ZNF48: variants seen among roughly 807,000 people sequenced by gnomAD.
ZNF48 encodes zinc finger protein 48.
ZNF48 carries 20 observed loss-of-function variants against 40.0 expected under a neutral mutation model. The ratio of observed to expected loss-of-function variants is 0.50; its 90% CI spans 0.35 to 0.73. The LOEUF (loss-of-function observed/expected upper bound fraction) is 0.73, where lower values mean the gene tolerates loss of function less well. ZNF48 is among the 30% of genes least tolerant of loss of function. The pLI is 0.01. For missense variants in ZNF48, 726 were observed against 851.9 expected (o/e 0.85, Z 1.84); for synonymous variants, 298 against 329.7 (o/e 0.90, Z 1.04).
chr16:30,399,118 G>A lies in ZNF48; in HGVS notation c.*11G>A. 4 of 1,554,022 alleles carry A rather than the reference G, an allele frequency of 2.6e-6. No homozygotes were observed. The highest frequency in any genetic ancestry group is 3.5e-6 in the Non-Finnish European group (4 of 1,150,040). ...ACAGGACTGGAATGACGCGGTCCAGGGAGGGCGGAGGCCCAGGAGACCAAA... is the reference window on the plus strand; with the variant it reads ...ACAGGACTGGAATGACGCGGTCCAGAGAGGGCGGAGGCCCAGGAGACCAAA... On this transcript the variant is annotated 3_prime_UTR_variant, in exon 3 of 3. Coordinates refer to ENST00000613509, the MANE Select transcript of ZNF48 (RefSeq NM_001214909.2).
At chr16:30,378,705 G>C in intron 1 of ZNF48, 2 of 1,605,816 alleles carry the variant, frequency 1.2e-6, no homozygotes, top group Middle Eastern at 1.7e-4. Context: ...AGCTTACTGC[G>C]GGACAGTGGG....
At chr16:30,383,769 C>T (rs543228582) in intron 1 of ZNF48, among the ~76,000 whole-genome samples, 1 of 152,360 alleles carries the variant, frequency 6.6e-6, no homozygotes, top group East Asian at 1.9e-4. Flanking sequence ...ATCTCTCACT[C>T]TTCCAAACGT....
At position 30,399,382 on chromosome 16, in the gene ZNF48, C is replaced by T. The variant is rs542984665; in HGVS notation, c.*275C>T. The stretch of plus-strand genomic sequence containing the variant: ...ATTCAATACTTGTTGAATAAATAAA[C>T]TGGCTTTCACCTAAGGACTCAACCC... On this transcript the variant is annotated 3_prime_UTR_variant, in exon 3 of 3. Coordinates refer to ENST00000613509, the MANE Select transcript of ZNF48 (RefSeq NM_001214909.2). 1.2e-5 allele frequency: 4 copies of T among 347,762 alleles called. No homozygotes were observed. In the South Asian group the frequency reaches 3.0e-4, roughly 26 times the overall value. The allele number at this position is 347,762 out of a possible 1,614,324, so 21.5% of individuals were successfully genotyped here. A position where few individuals can be genotyped will look rare whatever the true frequency, so the allele number is the denominator to read the frequency against.
rs781693106 is a variant in ZNF48, at chr16:30,398,347, G to A, written c.1097G>A (p.Arg366His). The A allele has an allele frequency of 3.0e-5, 49 of 1,612,902 alleles. No individual in the cohort carries two copies. The highest frequency in any genetic ancestry group is 1.2e-4 in the South Asian group (11 of 91,034). ...ERPHACPECD[R>H]TFSLSSTLLR... Reference sequence around the variant, plus strand: ...CCCCATGCCTGCCCGGAATGCGACCGTACCTTCAGCCTCAGCTCCACCCTT... The same window carrying A: ...CCCCATGCCTGCCCGGAATGCGACCATACCTTCAGCCTCAGCTCCACCCTT... The change falls in exon 3 of 3, where the codon CGT becomes CAT. Residue 366 changes from arginine to histidine, a missense_variant. Coordinates refer to ENST00000613509, the MANE Select transcript of ZNF48 (RefSeq NM_001214909.2). The surrounding 1 kb of genome is among the most constrained non-coding windows in gnomAD (Gnocchi z 6.6).
rs759274851 is a variant in ZNF48 at position 30,398,738 on chromosome 16, G to GC, written c.1489dup (p.His497ProfsTer8). On this transcript the variant is annotated frameshift_variant, in exon 3 of 3. Coordinates refer to ENST00000613509, the MANE Select transcript of ZNF48 (RefSeq NM_001214909.2). LOFTEE classifies it high-confidence loss of function. The surrounding 1 kb of genome is among the most constrained non-coding windows in gnomAD (Gnocchi z 6.6). ...TTGCTGACAGCTCAGCCCGAGTCAA[G>GC]CACCTCCGCACCCACCGTGGTGAAC... 1 of 1,612,502 alleles carries GC rather than the reference G, an allele frequency of 6.2e-7. No individual in the cohort carries two copies. Among genetic ancestry groups the GC allele is most frequent in the Non-Finnish European group, 8.5e-7 (1 of 1,179,548 alleles).
chr16:30,379,377 T>G, intron 1 of ZNF48: 1 of 1,512,024 alleles, frequency 6.6e-7, no homozygotes, highest in Non-Finnish European at 9.2e-7. Context: ...TGAGTGCGCC[T>G]GACCCAGAGG....
At chr16:30,396,481 C>A (rs2049985399) in intron 2 of ZNF48, among the ~76,000 whole-genome samples, 1 of 152,098 alleles carries the variant, frequency 6.6e-6, no homozygotes, top group Admixed American at 6.6e-5. Context: ...TCTCTCCTAC[C>A]ACCCTAAGCT....
Position 30,397,228 on chromosome 16 carries a change from C to T in ZNF48, c.80-102C>T. 2 of 1,088,582 alleles carry T rather than the reference C, an allele frequency of 1.8e-6. No individual in the cohort carries two copies. Among genetic ancestry groups the T allele is most frequent in the South Asian group, 1.6e-5 (1 of 63,514 alleles). The allele number at this position is 1,088,582 out of a possible 1,614,324, so 67.4% of individuals were successfully genotyped here. ...TGAGAGGACAGAGAGATTGGGGTTC[C>T]TGTGACCACAGATTGTCAAGGGAGT... On this transcript the variant is annotated intron_variant, in intron 2 of 2. Coordinates refer to ENST00000613509, the MANE Select transcript of ZNF48 (RefSeq NM_001214909.2). This position sits in a 1 kb window ranked among gnomAD's most constrained non-coding sequence, Gnocchi z 4.1.
rs1172050003 is a variant in ZNF48 at position 30,381,478 on chromosome 16, G to A, written c.-16+3068G>A. On this transcript the variant is annotated intron_variant, in intron 1 of 2. Transcript: ENST00000528032. The surrounding 1 kb of genome is among the most constrained non-coding windows in gnomAD (Gnocchi z 4.3). ...AATTTCACCACCGGAAGCCAGCTGGGTGTGGGGAGAGGATGTGAGGTCAGA... is the reference window on the plus strand; with the variant it reads ...AATTTCACCACCGGAAGCCAGCTGGATGTGGGGAGAGGATGTGAGGTCAGA... 1.9e-6 allele frequency: 3 copies of A among 1,613,946 alleles called. No individual in the cohort carries two copies. Among genetic ancestry groups the A allele is most frequent in the African/African-American group, 2.7e-5 (2 of 74,918 alleles).
chr16:30,398,646 C>T lies in ZNF48; in HGVS notation c.1396C>T (p.Leu466=). The change falls in exon 3 of 3, where the codon CTG becomes TTG. Residue 466 remains leucine, a synonymous_variant. Transcript: ENST00000613509. The surrounding 1 kb of genome is among the most constrained non-coding windows in gnomAD (Gnocchi z 6.6). ...CGKGFRRSSD[L]VKHHRVHTGE... ...CAAGGGCTTCCGCCGAAGCTCTGAC[C>T]TGGTGAAACACCATCGTGTGCACAC... The T allele has an allele frequency of 6.2e-7, 1 of 1,613,684 alleles. No individual in the cohort carries two copies.
rs1220137564 is a variant in ZNF48, at chr16:30,399,669, G to T, written c.*562G>T. The T allele has an allele frequency of 6.5e-6, 1 of 153,222 alleles. No homozygotes were observed. Among genetic ancestry groups the T allele is most frequent in the Non-Finnish European group, 1.5e-5 (1 of 68,892 alleles). The allele number at this position is 153,222 out of a possible 1,614,324, so 9.5% of individuals were successfully genotyped here. On this transcript the variant is annotated 3_prime_UTR_variant, in exon 3 of 3. Transcript: ENST00000613509. Reference sequence around the variant, plus strand: ...TTTAAGGTAACAGGATGAGGCAGGGGTATCTTGATCATCCGGATGGGGCAA... The same window carrying T: ...TTTAAGGTAACAGGATGAGGCAGGGTTATCTTGATCATCCGGATGGGGCAA...
At chr16:30,380,956 TCAGAGACATGGCTATGCTGGCGGCTTA>T (rs2049838303) in intron 1 of ZNF48, 1 of 685,488 alleles carries the variant, frequency 1.5e-6, no homozygotes. Flanking sequence ...TTTTGAGCCT[TCAGAGACATGGCTATGCTGGCGGCTTA>T]CCACCCGCCT....
intron 1 of ZNF48, chr16:30,379,896 C>G: frequency 8.5e-7 from 1 of 1,181,682 alleles, no homozygotes; most frequent in Non-Finnish European, 1.3e-6. Context: ...CGTGAGCCAC[C>G]GTGCCCGGCC....
At chr16:30,378,879 G>GAGA in intron 1 of ZNF48, 1 of 672,876 alleles carries the variant, frequency 1.5e-6, no homozygotes, top group Non-Finnish European at 2.4e-6. Context: ...ACGGAGAGAG[G>GAGA]GAGGGAGGGA....
intron 1 of ZNF48, chr16:30,378,746 G>C: frequency 6.4e-7 from 1 of 1,570,754 alleles, no homozygotes; most frequent in South Asian, 1.1e-5. Flanking sequence ...CGGGACCTGA[G>C]GTTGTGGGTG....
chr16:30,384,137 C>T (rs1300621058), intron 1 of ZNF48, among the ~76,000 whole-genome samples: 1 of 152,120 alleles, frequency 6.6e-6, no homozygotes, highest in Non-Finnish European at 1.5e-5. Flanking sequence ...ATTGCTTGAG[C>T]CCAGGAGGTG....
At position 30,398,702 on chromosome 16, in the gene ZNF48, C is replaced by T. The variant is rs762986974; in HGVS notation, c.1452C>T (p.Cys484=). ...TGEKPYLCPE[C]GKGFADSSAR... is the part of the protein sequence containing the mutation. ...AGAAACCCTACCTCTGTCCTGAATG[C>T]GGCAAGGGTTTTGCTGACAGCTCAG... The change falls in exon 3 of 3, where the codon TGC becomes TGT. Residue 484 remains cysteine (C), a synonymous_variant. Transcript: ENST00000613509. The surrounding 1 kb of genome is among the most constrained non-coding windows in gnomAD (Gnocchi z 6.6). 1.4e-5 allele frequency: 23 copies of T among 1,613,756 alleles called. No homozygotes were observed. Among genetic ancestry groups the T allele is most frequent in the South Asian group, 4.4e-5 (4 of 91,068 alleles).
At position 30,381,081 on chromosome 16, in the gene ZNF48, G is replaced by A. The variant is rs2049840463; in HGVS notation, c.-16+2671G>A. The A allele has an allele frequency of 7.0e-7, 1 of 1,428,820 alleles. No homozygotes were observed. The highest frequency in any genetic ancestry group is 1.1e-5 in the South Asian group (1 of 87,408). The allele number at this position is 1,428,820 out of a possible 1,614,324, so 88.5% of individuals were successfully genotyped here. ...ATCAAAGAAGTCTAAGCTGAAATCA[G>A]GTTTGGCTTCACATGGGGTCAAAGG... On this transcript the variant is annotated intron_variant, in intron 1 of 2. Transcript: ENST00000528032. This position sits in a 1 kb window ranked among gnomAD's most constrained non-coding sequence, Gnocchi z 4.3.
Position 30,381,416 on chromosome 16 carries a change from C to A in ZNF48, c.-16+3006C>A. The A allele has an allele frequency of 6.2e-7, 1 of 1,614,036 alleles. No individual in the cohort carries two copies. Among genetic ancestry groups the A allele is most frequent in the Non-Finnish European group, 8.5e-7 (1 of 1,180,004 alleles). On this transcript the variant is annotated intron_variant, in intron 1 of 2. Transcript: ENST00000528032. This position sits in a 1 kb window ranked among gnomAD's most constrained non-coding sequence, Gnocchi z 4.3. Reference sequence around the variant, plus strand: ...GGATGTTCTTCCGGTTCAGGCCACTCTCATCCCTAAGGTACTGCTCAAATT... The same window carrying A: ...GGATGTTCTTCCGGTTCAGGCCACTATCATCCCTAAGGTACTGCTCAAATT...
Sources: gnomAD v4.1 joint callset for allele counts (sites outside exome capture counted in the v4.1 genomes callset) on GRCh38, gnomAD v4.1.1 for gene constraint, Gnocchi (gnomAD v3.1) non-coding constraint, MANE v1.5 for transcripts, NCBI Gene and HGNC (gene_info 2026-07-23, HGNC 2026-07-21) for gene names.